The following COPS3 variants were observed in gnomAD, a reference collection of about 807,000 sequenced individuals.
The protein encoded by COPS3 is COP9 signalosome subunit 3.
In COPS3, 10 loss-of-function variants were observed where a neutral mutation model predicts 58.2. The ratio of observed to expected loss-of-function variants is 0.17; its 90% CI spans 0.11 to 0.29. The LOEUF is 0.29. Ranked by LOEUF, COPS3 falls within the 10% of genes least tolerant of loss-of-function variation. The probability of loss-of-function intolerance (pLI) is 1.00; values close to 1 mark genes in which losing one functional copy is unlikely to be tolerated. For missense variants in COPS3, 333 were observed against 510.1 expected (o/e 0.65, Z 3.34); for synonymous variants, 187 against 181.7 (o/e 1.03, Z -0.24).
chr17:17,281,094 T>C, intron 1 of COPS3, 38 bp downstream of exon 1: 1 of 1,593,852 alleles, frequency 6.3e-7, no homozygotes, highest in Non-Finnish European at 8.5e-7. Context: ...CAGTTCCCGG[T>C]ACCCGCCCAT....
At position 17,247,486 on chromosome 17, in the gene COPS3, T is replaced by A; in HGVS notation, c.1212A>T (p.Val404=). The A allele has an allele frequency of 6.2e-7, 1 of 1,614,206 alleles. No individual in the cohort carries two copies. Among genetic ancestry groups the A allele is most frequent in the Non-Finnish European group, 8.5e-7 (1 of 1,179,994 alleles). Residue 404 remains valine (V), a synonymous_variant, in exon 11 of 12, where the codon GTA becomes GTT. Coordinates refer to ENST00000268717, the MANE Select transcript of COPS3 (RefSeq NM_003653.4). The part of the protein sequence containing the change: ...DQEITVNPQF[V]QKSMGSQEDD... ...ATAAGGGAACCCTCATCACCTTTTG[T>A]ACAAACTGAGGGTTCACTGTGATCT...
chr17:17,271,806 G>A (rs1050375045), intron 2 of COPS3, among the ~76,000 whole-genome samples: 10 of 145,862 alleles, frequency 6.9e-5, no homozygotes, highest in African/African-American at 2.3e-4. Flanking sequence ...GGCAACAAGA[G>A]CGAGACTGTC....
intron 10 of COPS3, among the ~76,000 whole-genome samples, chr17:17,248,358 G>A (rs1054974879): frequency 1.8e-4 from 27 of 152,158 alleles, no homozygotes; most frequent in African/African-American, 6.5e-4. Flanking sequence ...CTGTTGCCCA[G>A]GCTGGAGTGC....
chr17:17,267,970 C>G lies in COPS3; in HGVS notation c.356G>C (p.Arg119Pro). 1 of 1,613,768 alleles carries G rather than the reference C, an allele frequency of 6.2e-7. No individual in the cohort carries two copies. Among genetic ancestry groups the G allele is most frequent in the Non-Finnish European group, 8.5e-7 (1 of 1,179,838 alleles). ...GGCTTGCTTAAGGATGCCAATTCCT[C>G]GCAGGGGCTGTCAGAAATGACATCT... The part of the protein sequence containing the change: ...NALVERKQPL[R>P]GIGILKQAID... The change falls in exon 5 of 12, where the codon CGA (arginine) becomes CCA (proline). Residue 119 changes from arginine to proline, a missense_variant. Coordinates refer to ENST00000268717, the MANE Select transcript of COPS3 (RefSeq NM_003653.4).
rs560384533 is a variant in COPS3 at position 17,271,528 on chromosome 17, AAT to A, written c.186-522_186-521del. Among the ~76,000 whole-genome samples, 1,238 of 152,156 alleles carry A rather than the reference AAT, an allele frequency of 8.1e-3. 14 individuals are homozygous for A. The highest frequency in any genetic ancestry group is 0.012 in the Non-Finnish European group (820 of 67,998). On this transcript the variant is annotated intron_variant, in intron 2 of 11. Transcript: ENST00000268717. ...ACGGACACAAATAAGGGTTAAGAAA[AAT>A]ATGTTTAGGCCTGGCGCAGTGGCTC...
rs772743619 is a variant in COPS3 at position 17,254,843 on chromosome 17, A to T, written c.1023+16T>A. 3 of 1,533,986 alleles carry T rather than the reference A, an allele frequency of 2.0e-6. No individual in the cohort carries two copies. In the South Asian group the frequency reaches 3.6e-5, roughly 19 times the overall value. On this transcript the variant is annotated intron_variant, in intron 9 of 11. Coordinates refer to ENST00000268717, the MANE Select transcript of COPS3 (RefSeq NM_003653.4). Reference sequence around the variant, plus strand: ...AAAAAAAAAAAAAAAGAAAAAGAAAAAGAAAATCCACTTACCATGTGCAGA... The same window carrying T: ...AAAAAAAAAAAAAAAGAAAAAGAAATAGAAAATCCACTTACCATGTGCAGA...
chr17:17,260,410 C>T lies in COPS3; in HGVS notation c.827G>A (p.Arg276Gln), dbSNP rs767434942. The change falls in exon 8 of 12, where the codon CGA (arginine) becomes CAA (glutamine). Residue 276 changes from arginine (R) to glutamine (Q), a missense_variant. By Grantham distance (43) the Arg-to-Gln change is conservative. Coordinates refer to ENST00000268717, the MANE Select transcript of COPS3 (RefSeq NM_003653.4). ...TTCACTGTGCTTATTCACCAGGTTTCGGAGTTCTGAGGGGTTGTTGGTTGA... is the reference window on the plus strand; with the variant it reads ...TTCACTGTGCTTATTCACCAGGTTTTGGAGTTCTGAGGGGTTGTTGGTTGA... ...VYSTNNPSEL[R>Q]NLVNKHSETF... 6 of 1,613,972 alleles carry T rather than the reference C, an allele frequency of 3.7e-6. No individual in the cohort carries two copies. The African/African-American group carries it at 4.0e-5, about 11-fold the overall frequency.
At chr17:17,247,242 C>T in intron 11 of COPS3, 91 bp from the exon 12 acceptor site, 1 of 1,270,194 alleles carries the variant, frequency 7.9e-7, no homozygotes. Flanking sequence ...CCCTGTCCCT[C>T]CCAGAACAAA....
intron 9 of COPS3, among the ~76,000 whole-genome samples, chr17:17,253,305 C>A (rs1348514839): frequency 6.6e-6 from 1 of 152,128 alleles, no homozygotes; most frequent in African/African-American, 2.4e-5. Context: ...CTGTCCTGAG[C>A]TAAGGACACA....
intron 1 of COPS3, among the ~76,000 whole-genome samples, chr17:17,276,479 TAGTTTTACTTCCAA>T (rs1438488006): frequency 6.6e-6 from 1 of 152,172 alleles, no homozygotes; most frequent in Non-Finnish European, 1.5e-5. Flanking sequence ...CCAAATGATT[TAGTTTTACTTCCAA>T]AGTCTCTCAG....
rs1189756747 is a variant in COPS3, at chr17:17,249,053, A to G, written c.1024-14T>C. 7.3e-6 allele frequency: 11 copies of G among 1,496,894 alleles called. No individual in the cohort carries two copies. Among genetic ancestry groups the G allele is most frequent in the Non-Finnish European group, 1.0e-5 (11 of 1,092,370 alleles). 92.7% of individuals were successfully genotyped at this position (1,496,894 alleles called of 1,614,324 possible). On this transcript the variant is annotated splice_polypyrimidine_tract_variant and intron_variant, in intron 9 of 11. Coordinates refer to ENST00000268717, the MANE Select transcript of COPS3 (RefSeq NM_003653.4). ...ACCATCTTCTATCTGCAGAAAGAAAAAAAAAAAAATCAGGAAAGCAGTTTA... is the reference window on the plus strand; with the variant it reads ...ACCATCTTCTATCTGCAGAAAGAAAGAAAAAAAAATCAGGAAAGCAGTTTA...
At position 17,262,115 on chromosome 17, in the gene COPS3, G is replaced by T; in HGVS notation, c.622-9C>A. The T allele has an allele frequency of 6.2e-7, 1 of 1,603,376 alleles. No individual in the cohort carries two copies. The highest frequency in any genetic ancestry group is 8.5e-7 in the Non-Finnish European group (1 of 1,177,112). ...GCAGGAGTAGTTATAGCCTAGGCAAGAGAAGAATGCTTGCTGTAAAGAGAA... is the reference window on the plus strand; with the variant it reads ...GCAGGAGTAGTTATAGCCTAGGCAATAGAAGAATGCTTGCTGTAAAGAGAA... On this transcript the variant is annotated splice_polypyrimidine_tract_variant and intron_variant, in intron 6 of 11. Coordinates refer to ENST00000268717, the MANE Select transcript of COPS3 (RefSeq NM_003653.4).
At chr17:17,251,775 A>G (rs2047849209) in intron 9 of COPS3, among the ~76,000 whole-genome samples, 2 of 152,178 alleles carry the variant, frequency 1.3e-5, no homozygotes, top group African/African-American at 4.8e-5. Context: ...AAACAGAACT[A>G]AAATAGGATG....
At chr17:17,260,598 G>A in intron 7 of COPS3, 124 bp from the exon 8 acceptor site, 3 of 789,170 alleles carry the variant, frequency 3.8e-6, no homozygotes, top group Non-Finnish European at 6.1e-6. Context: ...GGGGTCAGGG[G>A]TTAAACACCA....
chr17:17,262,833 C>A (rs1229315069), intron 6 of COPS3, among the ~76,000 whole-genome samples: 1 of 152,112 alleles, frequency 6.6e-6, no homozygotes, highest in Non-Finnish European at 1.5e-5. Flanking sequence ...TGAGCTCAAG[C>A]AATGCTCCCA....
intron 6 of COPS3, among the ~76,000 whole-genome samples, chr17:17,262,326 T>C (rs2048119508): frequency 6.6e-6 from 1 of 152,152 alleles, no homozygotes; most frequent in South Asian, 2.1e-4. Context: ...AGTGATGTAA[T>C]TATGGCTCAC....
intron 6 of COPS3, among the ~76,000 whole-genome samples, chr17:17,262,818 A>G (rs1264393562): frequency 6.6e-6 from 1 of 151,870 alleles, no homozygotes; most frequent in Non-Finnish European, 1.5e-5. Flanking sequence ...TCAGTCTTGT[A>G]CTCCTGAGCT....
chr17:17,250,060 C>G (rs929475052), intron 9 of COPS3, among the ~76,000 whole-genome samples: 16 of 152,168 alleles, frequency 1.1e-4, no homozygotes, highest in Admixed American at 5.2e-4. Flanking sequence ...AGTCCCTCCC[C>G]ATTCCCTCCT....
intron 11 of COPS3, 135 bp downstream of exon 11, chr17:17,247,345 G>A: frequency 2.1e-6 from 2 of 957,836 alleles, no homozygotes; most frequent in South Asian, 2.9e-5. Flanking sequence ...CTCTCAACTA[G>A]TATTTCTCCA....
Sources: gnomAD v4.1 joint callset for allele counts (sites outside exome capture counted in the v4.1 genomes callset) on GRCh38, gnomAD v4.1.1 for gene constraint, MANE v1.5 for transcripts, NCBI Gene and HGNC (gene_info 2026-07-23, HGNC 2026-07-21) for gene names.